Variants in SLC30A9 observed in about 807,000 individuals in gnomAD.
SLC30A9 encodes solute carrier family 30 member 9.
In SLC30A9, 58 loss-of-function variants were observed where a neutral mutation model predicts 87.5. The ratio of observed to expected loss-of-function variants is 0.66; its 90% CI spans 0.54 to 0.82. The LOEUF is 0.82. Ranked by LOEUF, SLC30A9 falls within the 40% of genes least tolerant of loss-of-function variation. SLC30A9 has a pLI of 0.00. For synonymous variants in SLC30A9, 234 were observed against 233.0 expected, an observed-to-expected ratio of 1.00 and a Z score of -0.04; for missense variants, 557 against 679.1, an observed-to-expected ratio of 0.82 and a Z score of 2.00.
chr4:41,995,278 C>G (rs1424893694), intron 1 of SLC30A9, among the ~76,000 whole-genome samples: 1 of 152,100 alleles, frequency 6.6e-6, no homozygotes, highest in Non-Finnish European at 1.5e-5. Flanking sequence ...AAAAAAAGAC[C>G]ATTTAGGCAG....
intron 15 of SLC30A9, among the ~76,000 whole-genome samples, chr4:42,071,659 T>C (rs1718311275): frequency 7.8e-6 from 1 of 128,224 alleles, no homozygotes; most frequent in Non-Finnish European, 1.7e-5. Flanking sequence ...CTGGGCAGCA[T>C]AGCAAAACCC....
chr4:42,081,463 T>A (rs1357887028), intron 17 of SLC30A9, among the ~76,000 whole-genome samples: 1 of 152,178 alleles, frequency 6.6e-6, no homozygotes. Flanking sequence ...GCAAAGAATG[T>A]CTTACAGTTA....
At chr4:42,004,259 G>C (rs1715104912) in intron 2 of SLC30A9, among the ~76,000 whole-genome samples, 3 of 151,958 alleles carry the variant, frequency 2.0e-5, no homozygotes, top group African/African-American at 7.3e-5. Context: ...TTTTTCTTTG[G>C]TATAAATGGC....
At chr4:42,035,709 G>A (rs1436001139) in intron 7 of SLC30A9, among the ~76,000 whole-genome samples, 17 of 151,826 alleles carry the variant, frequency 1.1e-4, no homozygotes, top group Admixed American at 8.5e-4. Flanking sequence ...TTGGCTAGGT[G>A]GGTCTTGAAC....
chr4:42,075,907 C>A, intron 16 of SLC30A9, 121 bp downstream of exon 16: 1 of 856,272 alleles, frequency 1.2e-6, no homozygotes, highest in South Asian at 1.9e-5. Context: ...TCTTAGGTTC[C>A]AAAATTTAAC....
chr4:42,032,466 A>C (rs1229508357), intron 6 of SLC30A9, among the ~76,000 whole-genome samples: 3 of 152,214 alleles, frequency 2.0e-5, no homozygotes, highest in Admixed American at 6.5e-5. Context: ...TTATTTGACT[A>C]TCTCAGTTCT....
Position 41,990,634 on chromosome 4 carries a change from G to T in SLC30A9, c.-18G>T, listed in dbSNP as rs1577670832. The T allele has an allele frequency of 6.5e-7, 1 of 1,529,002 alleles. No individual in the cohort carries two copies. The highest frequency in any genetic ancestry group is 1.1e-5 in the South Asian group (1 of 88,466). 94.7% of individuals were successfully genotyped at this position (1,529,002 alleles called of 1,614,324 possible). A position where few individuals can be genotyped will look rare whatever the true frequency, so the allele number is the denominator to read the frequency against. On this transcript the variant is annotated 5_prime_UTR_variant, in exon 1 of 18. Transcript: ENST00000264451. ...AGGCAGAAGGCGGTGTCCGAGTAGG[G>T]GCCTCTGCCCCACCAGGATGTTACC...
chr4:42,089,708 C>T lies in SLC30A9; in HGVS notation c.*3582C>T, dbSNP rs1719036121. On this transcript the variant is annotated 3_prime_UTR_variant, in exon 18 of 18. Coordinates refer to ENST00000264451, the MANE Select transcript of SLC30A9 (RefSeq NM_006345.4). The stretch of plus-strand genomic sequence containing the variant: ...CTGGGATTACAGGTGTGAGCCACTG[C>T]TCCGGTGATCTGTTTTTAAGTGGAG... 1 of 152,284 alleles carries T rather than the reference C, an allele frequency of 6.6e-6. No homozygotes were observed. Among genetic ancestry groups the T allele is most frequent in the Non-Finnish European group, 1.5e-5 (1 of 68,130 alleles). The allele number at this position is 152,284 out of a possible 1,614,324, so 9.4% of individuals were successfully genotyped here.
intron 7 of SLC30A9, among the ~76,000 whole-genome samples, chr4:42,036,740 C>A (rs1410120276): frequency 1.3e-5 from 2 of 152,198 alleles, no homozygotes; most frequent in Non-Finnish European, 2.9e-5. Context: ...CTCTTAATTT[C>A]CATTTCCCCT....
intron 1 of SLC30A9, among the ~76,000 whole-genome samples, chr4:41,991,454 G>A (rs1026267973): frequency 1.3e-5 from 2 of 152,182 alleles, no homozygotes; most frequent in Non-Finnish European, 2.9e-5. Flanking sequence ...AATGGTTTGA[G>A]AGTTTCCAAA....
At chr4:42,075,609 T>C (rs776931406) in intron 15 of SLC30A9, 48 bp from the exon 16 acceptor site, 6 of 1,497,334 alleles carry the variant, frequency 4.0e-6, no homozygotes, top group Non-Finnish European at 5.6e-6. Context: ...AGTATATATA[T>C]GTGTATGTAT....
At chr4:42,058,590 T>C (rs373912630) in intron 9 of SLC30A9, among the ~76,000 whole-genome samples, 138 of 152,326 alleles carry the variant, frequency 9.1e-4, no homozygotes, top group African/African-American at 3.2e-3. Flanking sequence ...TGCCCAAGAC[T>C]GGGCAATTTA....
At chr4:42,056,927 C>G (rs1396625056) in intron 9 of SLC30A9, among the ~76,000 whole-genome samples, 1 of 152,148 alleles carries the variant, frequency 6.6e-6, no homozygotes, top group African/African-American at 2.4e-5. Context: ...GGCTACAGGC[C>G]CCATGCAAGT....
intron 8 of SLC30A9, among the ~76,000 whole-genome samples, chr4:42,047,786 T>G (rs566250787): frequency 3.9e-5 from 6 of 152,214 alleles, no homozygotes; most frequent in Non-Finnish European, 8.8e-5. Flanking sequence ...ACGTGTATGT[T>G]TTTTGTAGCA....
chr4:41,997,130 T>A (rs1714753304), intron 1 of SLC30A9, among the ~76,000 whole-genome samples: 1 of 150,668 alleles, frequency 6.6e-6, no homozygotes, highest in Non-Finnish European at 1.5e-5. Flanking sequence ...GTCTAGGAAG[T>A]TGTCATCATC....
intron 2 of SLC30A9, among the ~76,000 whole-genome samples, chr4:42,004,284 G>A (rs1269289265): frequency 6.6e-6 from 1 of 152,160 alleles, no homozygotes; most frequent in Non-Finnish European, 1.5e-5. Flanking sequence ...TTATTATGAA[G>A]TAACTAGGTA....
intron 10 of SLC30A9, among the ~76,000 whole-genome samples, chr4:42,061,460 G>C (rs577485312): frequency 6.6e-6 from 1 of 152,028 alleles, no homozygotes; most frequent in Non-Finnish European, 1.5e-5. Context: ...TTACTTTAAC[G>C]TGAATATATA....
rs148668618 is a variant in SLC30A9, at chr4:42,078,183, T to C, written c.1549-29T>C. ...TGTACCACTATGGTTTTTTAAAAAT[T>C]TATTTTCCTGTTTTCATTTTCTTTA... On this transcript the variant is annotated intron_variant, in intron 16 of 17. Transcript: ENST00000264451. The C allele has an allele frequency of 2.1e-4, 243 of 1,176,284 alleles. 1 individual carries two copies. The African/African-American group carries it at 3.5e-3, about 17-fold the overall frequency. The allele number at this position is 1,176,284 out of a possible 1,614,324, so 72.9% of individuals were successfully genotyped here. A position where few individuals can be genotyped will look rare whatever the true frequency, so the allele number is the denominator to read the frequency against.
chr4:41,993,940 T>A (rs1272541248), intron 1 of SLC30A9, among the ~76,000 whole-genome samples: 1 of 152,156 alleles, frequency 6.6e-6, no homozygotes, highest in African/African-American at 2.4e-5. Flanking sequence ...GGGGATCACC[T>A]GAGGTCAGGA....
Sources: gnomAD v4.1 joint callset for allele counts (sites outside exome capture counted in the v4.1 genomes callset) on GRCh38, gnomAD v4.1.1 for gene constraint, MANE v1.5 for transcripts, NCBI Gene and HGNC (gene_info 2026-07-23, HGNC 2026-07-21) for gene names.